Variants in RARB observed in about 807,000 individuals in gnomAD.
The protein encoded by RARB is HBV-activated protein.
In RARB, 17 loss-of-function variants were observed where a neutral mutation model predicts 51.9. The ratio of observed to expected loss-of-function variants is 0.33; its 90% CI spans 0.22 to 0.49. The LOEUF is 0.49. Ranked by LOEUF, RARB falls within the 20% of genes least tolerant of loss-of-function variation. The probability of loss-of-function intolerance (pLI) is 0.99; values close to 1 mark genes in which losing one functional copy is unlikely to be tolerated. For synonymous variants in RARB, 215 were observed against 195.4 expected, an observed-to-expected ratio of 1.10 and a Z score of -0.84; for missense variants, 369 against 550.8, an observed-to-expected ratio of 0.67 and a Z score of 3.30.
At chr3:25,130,062 T>A (rs544470387) in intron 3 of RARB, among the ~76,000 whole-genome samples, 1 of 152,198 alleles carries the variant, frequency 6.6e-6, no homozygotes, top group South Asian at 2.1e-4. Context: ...TACCTTAGTA[T>A]GGGAAACTAT....
At chr3:25,418,366 C>T (rs1707765959) in intron 5 of RARB, among the ~76,000 whole-genome samples, 1 of 152,108 alleles carries the variant, frequency 6.6e-6, no homozygotes, top group Admixed American at 6.5e-5. Context: ...AAAAATCTTT[C>T]TCATAAATTA....
chr3:25,568,012 G>A (rs1700567408), intron 3 of RARB, among the ~76,000 whole-genome samples: 1 of 152,016 alleles, frequency 6.6e-6, no homozygotes, highest in South Asian at 2.1e-4. Flanking sequence ...TTTGAACCAT[G>A]ATACCCACTC....
At chr3:25,317,468 C>T (rs1451133866) in intron 5 of RARB, among the ~76,000 whole-genome samples, 1 of 152,108 alleles carries the variant, frequency 6.6e-6, no homozygotes, top group African/African-American at 2.4e-5. Flanking sequence ...GACTTCATAT[C>T]CAGCATTATA....
chr3:25,035,559 A>G (rs1288645324), intron 2 of RARB, among the ~76,000 whole-genome samples: 2 of 152,134 alleles, frequency 1.3e-5, no homozygotes, highest in Non-Finnish European at 2.9e-5. Flanking sequence ...CAGGTACAGA[A>G]AAATAGAATC....
exon 5 of RARB, chr3:25,174,433 A>C: frequency 7.4e-7 from 1 of 1,352,152 alleles, no homozygotes; most frequent in Non-Finnish European, 9.8e-7. Context: ...CGGTCCCAGC[A>C]GTGAACGGAC....
intron 3 of RARB, among the ~76,000 whole-genome samples, chr3:25,520,630 G>T (rs1181531860): frequency 6.6e-6 from 1 of 152,138 alleles, no homozygotes; most frequent in Non-Finnish European, 1.5e-5. Flanking sequence ...GCCTCAGAAG[G>T]CAGTTCCAGA....
At chr3:25,381,365 G>A (rs866088759) in intron 5 of RARB, among the ~76,000 whole-genome samples, 1 of 152,178 alleles carries the variant, frequency 6.6e-6, no homozygotes. Context: ...TCTGGTGCCA[G>A]ACTTCCTGTG....
At chr3:25,071,442 A>G (rs1449300455) in intron 3 of RARB, among the ~76,000 whole-genome samples, 1 of 152,156 alleles carries the variant, frequency 6.6e-6, no homozygotes, top group East Asian at 1.9e-4. Flanking sequence ...ACCCAAACTA[A>G]CACTCAATAA....
At chr3:25,517,567 C>T (rs968854069) in intron 3 of RARB, among the ~76,000 whole-genome samples, 1 of 152,086 alleles carries the variant, frequency 6.6e-6, no homozygotes, top group Non-Finnish European at 1.5e-5. Flanking sequence ...TACATTGCCA[C>T]TATGGGAAAC....
At chr3:25,002,790 A>G (rs1270874649) in intron 2 of RARB, among the ~76,000 whole-genome samples, 1 of 151,984 alleles carries the variant, frequency 6.6e-6, no homozygotes, top group Non-Finnish European at 1.5e-5. Flanking sequence ...TTGGACAAAT[A>G]TCTTAACCTT....
rs1040337012 is a variant in RARB at position 24,958,205 on chromosome 3, TA to T, written c.-380+99459del. On this transcript the variant is annotated intron_variant, in intron 2 of 11. Coordinates refer to the RARB transcript ENST00000383772. Reference sequence around the variant, plus strand: ...GGAGGCATTCAACTGTTGGACGTGTTAAAAAATCACAGAATCTGAGGAAGAC... The same window carrying T: ...GGAGGCATTCAACTGTTGGACGTGTTAAAAATCACAGAATCTGAGGAAGAC... Among the ~76,000 whole-genome samples, 3 of 139,424 alleles carry T rather than the reference TA, an allele frequency of 2.2e-5. No homozygotes were observed. In the Admixed American group the frequency reaches 2.3e-4, roughly 11 times the overall value. 91.5% of individuals were successfully genotyped at this position (139,424 alleles called of 152,430 possible).
At chr3:25,174,391 C>G (rs1202412270) in exon 5 of RARB, 1 of 1,351,902 alleles carries the variant, frequency 7.4e-7, no homozygotes, top group African/African-American at 1.5e-5. Flanking sequence ...TCTGTGAGGC[C>G]CGAAACATGA....
At chr3:25,159,416 C>CT (rs1553638602) in intron 4 of RARB, among the ~76,000 whole-genome samples, 5 of 150,822 alleles carry the variant, frequency 3.3e-5, no homozygotes, top group Admixed American at 1.3e-4. Context: ...TGATCCACCC[C>CT]CCCCGCTCCC....
At chr3:25,061,748 A>G (rs1189056586) in intron 3 of RARB, among the ~76,000 whole-genome samples, 1 of 151,838 alleles carries the variant, frequency 6.6e-6, no homozygotes, top group East Asian at 1.9e-4. Flanking sequence ...ATACTAGTTA[A>G]GTGTTAATAA....
chr3:24,914,207 C>G (rs899749263), intron 2 of RARB, among the ~76,000 whole-genome samples: 2 of 152,124 alleles, frequency 1.3e-5, no homozygotes, highest in East Asian at 3.9e-4. Flanking sequence ...TTAAATTTGT[C>G]CAGCACCCCT....
intron 2 of RARB, among the ~76,000 whole-genome samples, chr3:25,052,595 C>T (rs1484833864): frequency 6.6e-6 from 1 of 152,172 alleles, no homozygotes; most frequent in South Asian, 2.1e-4. Flanking sequence ...CTCTTTTAGA[C>T]GGACTAAATG....
At chr3:25,116,169 C>T (rs139973524) in intron 3 of RARB, among the ~76,000 whole-genome samples, 31 of 152,290 alleles carry the variant, frequency 2.0e-4, no homozygotes, top group Middle Eastern at 6.8e-3. Context: ...CACAGAGCAT[C>T]GCACAGAACC....
Position 25,460,311 on chromosome 3 carries a change from A to C in RARB, c.158-882A>C, listed in dbSNP as rs75101352. On this transcript the variant is annotated intron_variant, in intron 1 of 7. Transcript: ENST00000330688. ...TCTTTGAGTAGCAAGGATCTTACCCATATTGTTATTAATGAAGATCAGTTA... is the reference window on the plus strand; with the variant it reads ...TCTTTGAGTAGCAAGGATCTTACCCCTATTGTTATTAATGAAGATCAGTTA... Among the ~76,000 whole-genome samples the C allele has an allele frequency of 1.4e-3, 211 of 152,202 alleles. 2 individuals carry two copies. Among genetic ancestry groups the C allele is most frequent in the African/African-American group, 4.8e-3 (201 of 41,544 alleles).
chr3:25,587,445 T>C (rs1701436730), intron 5 of RARB, among the ~76,000 whole-genome samples: 1 of 152,226 alleles, frequency 6.6e-6, no homozygotes, highest in South Asian at 2.1e-4. Flanking sequence ...TTTGTATTGA[T>C]TACATGTTGA....
Sources: gnomAD v4.1 joint callset for allele counts (sites outside exome capture counted in the v4.1 genomes callset) on GRCh38, gnomAD v4.1.1 for gene constraint, MANE v1.5 for transcripts, NCBI Gene and HGNC (gene_info 2026-07-23, HGNC 2026-07-21) for gene names.